The following GTF2E2 variants were observed in gnomAD, a reference collection of about 807,000 sequenced individuals.
The protein encoded by GTF2E2 is general transcription factor IIE subunit 2, also known as transcription initiation factor IIE subunit beta.
A neutral mutation model predicts 40.5 loss-of-function variants in GTF2E2; 21 were observed. That is an observed-to-expected ratio of 0.52 (90% CI 0.37 to 0.75). The LOEUF (loss-of-function observed/expected upper bound fraction) is 0.75. GTF2E2 is among the 30% of genes least tolerant of loss of function. The pLI is 0.00. For missense variants in GTF2E2, 298 were observed against 338.4 expected, an observed-to-expected ratio of 0.88 and a Z score of 0.94; for synonymous variants, 117 against 121.6, an observed-to-expected ratio of 0.96 and a Z score of 0.25.
chr8:30,620,662 C>T (rs562670662), intron 3 of GTF2E2, among the ~76,000 whole-genome samples: 2 of 151,910 alleles, frequency 1.3e-5, no homozygotes, highest in South Asian at 2.1e-4. Context: ...CGGTGGCTCA[C>T]GTCTGCAATC....
intron 2 of GTF2E2, among the ~76,000 whole-genome samples, chr8:30,651,677 A>G (rs1802282312): frequency 1.3e-5 from 2 of 152,234 alleles, no homozygotes; most frequent in Admixed American, 6.5e-5. Flanking sequence ...TGATTTATAG[A>G]TTCAATTCAA....
chr8:30,645,456 A>G, intron 2 of GTF2E2: 1 of 1,535,658 alleles, frequency 6.5e-7, no homozygotes. Context: ...TGGTATCTTT[A>G]GTGGTGCTGG....
At chr8:30,639,366 CCTT>C in intron 2 of GTF2E2, among the ~76,000 whole-genome samples, 1 of 152,216 alleles carries the variant, frequency 6.6e-6, no homozygotes, top group South Asian at 2.1e-4. Flanking sequence ...TAAACAAAAA[CCTT>C]CTTAAATAGC....
At chr8:30,595,876 AAGAAAAGAAG>A (rs889867876) in intron 6 of GTF2E2, among the ~76,000 whole-genome samples, 2 of 152,114 alleles carry the variant, frequency 1.3e-5, no homozygotes, top group Admixed American at 6.6e-5. Context: ...GAAAAGAAAA[AAGAAAAGAAG>A]AGAAAAGAAA....
At chr8:30,636,624 T>G (rs936965293) in intron 2 of GTF2E2, among the ~76,000 whole-genome samples, 1 of 152,156 alleles carries the variant, frequency 6.6e-6, no homozygotes, top group African/African-American at 2.4e-5. Flanking sequence ...TGCCTTACAG[T>G]TGGGAAGCCC....
At chr8:30,655,434 GA>G (rs1157151676) in intron 1 of GTF2E2, among the ~76,000 whole-genome samples, 1 of 152,098 alleles carries the variant, frequency 6.6e-6, no homozygotes, top group East Asian at 1.9e-4. Flanking sequence ...AAATGAATTT[GA>G]CACTGTTAAG....
At chr8:30,632,039 G>C (rs1387045355) in intron 3 of GTF2E2, among the ~76,000 whole-genome samples, 1 of 152,206 alleles carries the variant, frequency 6.6e-6, no homozygotes, top group East Asian at 1.9e-4. Context: ...GAGGCTAGGA[G>C]ATCGAGGCTG....
At position 30,585,937 on chromosome 8, in the gene GTF2E2, C is replaced by A. The variant is rs561792120; in HGVS notation, c.644-5541G>T. On this transcript the variant is annotated intron_variant, in intron 6 of 7. Coordinates refer to ENST00000355904, the MANE Select transcript of GTF2E2 (RefSeq NM_002095.6). ...CCATCTCAAAAATTTAAAAAACAAGCCGGGCATGGTGGTGTTCACTTGTAG... is the reference window on the plus strand; with the variant it reads ...CCATCTCAAAAATTTAAAAAACAAGACGGGCATGGTGGTGTTCACTTGTAG... Among the ~76,000 whole-genome samples the A allele has an allele frequency of 3.3e-5, 5 of 152,002 alleles. No individual in the cohort carries two copies. The South Asian group carries it at 8.3e-4, about 25-fold the overall frequency.
chr8:30,617,463 C>A (rs1002113035), intron 3 of GTF2E2, among the ~76,000 whole-genome samples: 1 of 152,114 alleles, frequency 6.6e-6, no homozygotes, highest in African/African-American at 2.4e-5. Context: ...TTAGATATGG[C>A]CGGGCATAGT....
intron 2 of GTF2E2, among the ~76,000 whole-genome samples, chr8:30,639,096 T>C (rs1161365723): frequency 6.6e-6 from 1 of 152,230 alleles, no homozygotes; most frequent in Non-Finnish European, 1.5e-5. Context: ...TAGTTACTTA[T>C]AAGAAAGTTT....
intron 6 of GTF2E2, among the ~76,000 whole-genome samples, chr8:30,580,926 G>A (rs79864814): frequency 0.13 from 20,426 of 152,170 alleles, 1,415 homozygotes; most frequent in African/African-American, 0.16. Flanking sequence ...GGCTGAAATA[G>A]AAACACTGTC....
chr8:30,581,634 A>G (rs992752493), intron 6 of GTF2E2, among the ~76,000 whole-genome samples: 1 of 152,194 alleles, frequency 6.6e-6, no homozygotes, highest in Non-Finnish European at 1.5e-5. Context: ...TCTAAATAAG[A>G]TTTTTTAATT....
At chr8:30,649,865 T>C (rs1802214030) in intron 2 of GTF2E2, among the ~76,000 whole-genome samples, 1 of 152,070 alleles carries the variant, frequency 6.6e-6, no homozygotes, top group Non-Finnish European at 1.5e-5. Flanking sequence ...ATGTAAATGA[T>C]GAATGAATAA....
chr8:30,637,646 C>T (rs1418032486), intron 2 of GTF2E2, among the ~76,000 whole-genome samples: 1 of 152,144 alleles, frequency 6.6e-6, no homozygotes, highest in Non-Finnish European at 1.5e-5. Context: ...GCCTCAACCT[C>T]CTGAATAGCT....
At chr8:30,610,088 C>A (rs1294007604) in intron 5 of GTF2E2, among the ~76,000 whole-genome samples, 4 of 152,082 alleles carry the variant, frequency 2.6e-5, no homozygotes, top group Non-Finnish European at 5.9e-5. Context: ...ATAGCCAAAA[C>A]AATCTTGAAA....
At chr8:30,648,190 T>C (rs1033060932) in intron 2 of GTF2E2, among the ~76,000 whole-genome samples, 1 of 152,106 alleles carries the variant, frequency 6.6e-6, no homozygotes, top group East Asian at 1.9e-4. Context: ...GAATAAAGCA[T>C]GTTGGAGGAG....
chr8:30,584,018 G>A (rs1023576863), intron 6 of GTF2E2, among the ~76,000 whole-genome samples: 2 of 151,384 alleles, frequency 1.3e-5, no homozygotes, highest in Non-Finnish European at 2.9e-5. Flanking sequence ...GTGTTATCCA[G>A]GATGGTCTCG....
At chr8:30,645,162 G>A in intron 2 of GTF2E2, 1 of 861,496 alleles carries the variant, frequency 1.2e-6, no homozygotes, top group East Asian at 2.7e-5. Flanking sequence ...TACCATTTAG[G>A]CATTAATTAA....
chr8:30,589,646 T>G (rs1019957567), intron 6 of GTF2E2, among the ~76,000 whole-genome samples: 2 of 152,230 alleles, frequency 1.3e-5, no homozygotes. Context: ...TTTCAACAAG[T>G]ATTTCTTGAG....
Sources: allele counts gnomAD v4.1 joint callset (sites outside exome capture counted in the v4.1 genomes callset), GRCh38; gene constraint gnomAD v4.1.1; transcripts MANE v1.5; gene names NCBI Gene and HGNC (gene_info 2026-07-23, HGNC 2026-07-21).